The following ULK2 variants were observed in gnomAD, a reference collection of about 807,000 sequenced individuals.
ULK2 encodes the protein serine/threonine-protein kinase ULK2.
In ULK2, 76 loss-of-function variants were observed where a neutral mutation model predicts 127.5. That is an observed-to-expected ratio of 0.60 (90% CI 0.50 to 0.72). The LOEUF (loss-of-function observed/expected upper bound fraction) is 0.72. Among genes scored for constraint, ULK2 ranks in the 30% least tolerant of loss-of-function variants. ULK2 has a pLI of 0.00. For missense variants in ULK2, 1,144 were observed against 1,295.9 expected (o/e 0.88, Z 1.80); for synonymous variants, 452 against 461.9 (o/e 0.98, Z 0.28).
intron 10 of ULK2, among the ~76,000 whole-genome samples, chr17:19,832,812 C>A (rs1255317019): frequency 1.3e-5 from 2 of 152,142 alleles, no homozygotes; most frequent in Non-Finnish European, 2.9e-5. Flanking sequence ...ATTTCGTCCA[C>A]GCAAGTTACT....
intron 11 of ULK2, among the ~76,000 whole-genome samples, chr17:19,825,790 C>T (rs1394894075): frequency 6.6e-6 from 1 of 151,084 alleles, no homozygotes; most frequent in African/African-American, 2.4e-5. Flanking sequence ...AGTTCGAGAC[C>T]AGCCTGACCA....
At position 19,776,423 on chromosome 17, in the gene ULK2, C is replaced by A. The variant is rs556111359; in HGVS notation, c.3053-16G>T. 6.4e-7 allele frequency: 1 copy of A among 1,571,878 alleles called. No individual in the cohort carries two copies. Among genetic ancestry groups the A allele is most frequent in the African/African-American group, 1.4e-5 (1 of 73,500 alleles). On this transcript the variant is annotated splice_polypyrimidine_tract_variant and intron_variant, in intron 26 of 26. Coordinates refer to ENST00000395544, the MANE Select transcript of ULK2 (RefSeq NM_014683.4). Reference sequence around the variant, plus strand: ...CTACATTTATCTAGAAATAAAATAACAAAAATGAAGAACTAATGAAAAAAA... The same window carrying A: ...CTACATTTATCTAGAAATAAAATAAAAAAAATGAAGAACTAATGAAAAAAA...
chr17:19,811,915 T>C (rs1467535175), intron 13 of ULK2, among the ~76,000 whole-genome samples: 2 of 152,192 alleles, frequency 1.3e-5, no homozygotes, highest in African/African-American at 2.4e-5. Context: ...TTTGATACCA[T>C]GTTGTAATTT....
At chr17:19,782,490 T>C (rs188223201) in intron 22 of ULK2, among the ~76,000 whole-genome samples, 123 of 152,368 alleles carry the variant, frequency 8.1e-4, no homozygotes, top group Non-Finnish European at 1.5e-3. Flanking sequence ...AGTTGCTTTA[T>C]TTAATTTCTG....
At chr17:19,864,757 TA>T (rs767973867) in intron 3 of ULK2, 45 bp downstream of exon 3, 69 of 909,396 alleles carry the variant, frequency 7.6e-5, no homozygotes, top group Middle Eastern at 3.8e-4. Context: ...TGTATGAAAT[TA>T]AAAAAAATTT....
At chr17:19,850,973 G>A (rs896837553) in intron 3 of ULK2, among the ~76,000 whole-genome samples, 1 of 151,930 alleles carries the variant, frequency 6.6e-6, no homozygotes, top group African/African-American at 2.4e-5. Context: ...GAGCCCAAGA[G>A]TTCAAGACTA....
At chr17:19,860,920 C>A (rs1198535075) in intron 3 of ULK2, 1 of 152,008 alleles carries the variant, frequency 6.6e-6, no homozygotes, top group Admixed American at 6.6e-5. Flanking sequence ...AGGTTCGATT[C>A]CTGGCCAATG....
chr17:19,774,688 C>T lies in ULK2; in HGVS notation c.*1661G>A, dbSNP rs1044376859. The T allele has an allele frequency of 1.3e-5, 2 of 152,294 alleles. No homozygotes were observed. Among genetic ancestry groups the T allele is most frequent in the Non-Finnish European group, 2.9e-5 (2 of 68,040 alleles). The allele number at this position is 152,294 out of a possible 1,614,324, so 9.4% of individuals were successfully genotyped here. ...ATATTCATGGCCAAGTCTCTAAACT[C>T]ACTAAGGAAGTACCTGGCTCAACAA... On this transcript the variant is annotated 3_prime_UTR_variant, in exon 27 of 27. Coordinates refer to ENST00000395544, the MANE Select transcript of ULK2 (RefSeq NM_014683.4).
intron 23 of ULK2, 86 bp from the exon 24 acceptor site, chr17:19,781,190 G>T: frequency 9.6e-7 from 1 of 1,039,200 alleles, no homozygotes; most frequent in South Asian, 1.6e-5. Flanking sequence ...CATTAAAATT[G>T]CCTTTCTATA....
chr17:19,794,663 G>A (rs17794370), intron 20 of ULK2, among the ~76,000 whole-genome samples: 31,971 of 151,366 alleles, frequency 0.21, 3,888 homozygotes, highest in Non-Finnish European at 0.27. Context: ...AGAAAGAAAC[G>A]ATGCTGGCTC....
chr17:19,817,754 C>A (rs191025342), intron 12 of ULK2, among the ~76,000 whole-genome samples: 1 of 152,158 alleles, frequency 6.6e-6, no homozygotes, highest in African/African-American at 2.4e-5. Flanking sequence ...ATTTAAGGAA[C>A]GGAAAAATAC....
intron 3 of ULK2, among the ~76,000 whole-genome samples, chr17:19,852,500 CAG>C (rs1236029244): frequency 8.1e-6 from 1 of 122,972 alleles, no homozygotes; most frequent in African/African-American, 3.2e-5. Flanking sequence ...GCCTGGGTGA[CAG>C]AGCGAGACTC....
intron 10 of ULK2, among the ~76,000 whole-genome samples, chr17:19,834,133 A>G (rs180799644): frequency 5.9e-5 from 9 of 152,202 alleles, no homozygotes; most frequent in Non-Finnish European, 1.0e-4. Context: ...ATCAGAAACA[A>G]TGGAGGAGGC....
chr17:19,779,842 A>C (rs2086882678), intron 25 of ULK2, among the ~76,000 whole-genome samples: 1 of 152,170 alleles, frequency 6.6e-6, no homozygotes, highest in Non-Finnish European at 1.5e-5. Flanking sequence ...GAAAATGCAG[A>C]AACAGATCCT....
At chr17:19,798,371 A>G (rs959822577) in intron 17 of ULK2, among the ~76,000 whole-genome samples, 7 of 152,332 alleles carry the variant, frequency 4.6e-5, no homozygotes, top group Admixed American at 3.3e-4. Context: ...AGAGCCTAAG[A>G]GATCCCTGTT....
intron 20 of ULK2, among the ~76,000 whole-genome samples, chr17:19,794,482 C>G (rs1367212663): frequency 1.3e-5 from 2 of 152,098 alleles, no homozygotes; most frequent in Non-Finnish European, 2.9e-5. Flanking sequence ...ATATCATATT[C>G]AAACTTCGGA....
intron 21 of ULK2, chr17:19,784,127 C>T (rs2086978651): frequency 2.6e-6 from 1 of 384,928 alleles, no homozygotes; most frequent in African/African-American, 2.1e-5. Flanking sequence ...ATCATCAGAG[C>T]TAGTTTTTTT....
chr17:19,803,261 C>CA (rs1344649344), intron 15 of ULK2, among the ~76,000 whole-genome samples: 1 of 152,116 alleles, frequency 6.6e-6, no homozygotes, highest in Non-Finnish European at 1.5e-5. Flanking sequence ...TAATATGTGG[C>CA]AAAAGTGCTT....
chr17:19,848,678 G>A (rs1231878528), intron 5 of ULK2, among the ~76,000 whole-genome samples: 2 of 152,032 alleles, frequency 1.3e-5, no homozygotes, highest in African/African-American at 2.4e-5. Flanking sequence ...TCGGGAGGCT[G>A]AGGCAGGAGA....
Sources: gnomAD v4.1 joint callset for allele counts (sites outside exome capture counted in the v4.1 genomes callset) on GRCh38, gnomAD v4.1.1 for gene constraint, MANE v1.5 for transcripts, NCBI Gene and HGNC (gene_info 2026-07-23, HGNC 2026-07-21) for gene names.